GABRB3: variants seen among roughly 807,000 people sequenced by gnomAD.
The protein encoded by GABRB3 is gamma-aminobutyric acid receptor subunit beta-3.
GABRB3 carries 14 observed loss-of-function variants against 52.1 expected under a neutral mutation model. That is an observed-to-expected ratio of 0.27 (90% confidence interval 0.18 to 0.42). The LOEUF (loss-of-function observed/expected upper bound fraction) is 0.42, where lower values mean the gene tolerates loss of function less well. GABRB3 is among the 10% of genes least tolerant of loss of function. GABRB3 has a pLI of 1.00. For missense variants in GABRB3, 307 were observed against 609.1 expected (o/e 0.50, Z 5.22); for synonymous variants, 260 against 232.3 (o/e 1.12, Z -1.08).
At chr15:26,559,470 A>G (rs1047229406) in intron 8 of GABRB3, among the ~76,000 whole-genome samples, 1 of 151,808 alleles carries the variant, frequency 6.6e-6, no homozygotes, top group Non-Finnish European at 1.5e-5. Flanking sequence ...TTATAGCAAC[A>G]GAACAATGGC....
chr15:26,735,723 A>C (rs1269986129), intron 3 of GABRB3, among the ~76,000 whole-genome samples: 1 of 152,112 alleles, frequency 6.6e-6, no homozygotes, highest in Non-Finnish European at 1.5e-5. Context: ...TCAAGGCAAA[A>C]GGATCGCTTG....
chr15:26,571,489 T>A (rs1269785757), intron 6 of GABRB3, among the ~76,000 whole-genome samples: 1 of 152,172 alleles, frequency 6.6e-6, no homozygotes. Context: ...TATTTTTGAA[T>A]GATAATGTAA....
At chr15:26,737,232 G>A (rs12443396) in intron 3 of GABRB3, among the ~76,000 whole-genome samples, 2 of 152,176 alleles carry the variant, frequency 1.3e-5, no homozygotes, top group South Asian at 2.1e-4. Context: ...CAAAAGCAGT[G>A]ATGACTCGAT....
rs895479250 is a variant in GABRB3 at position 26,545,333 on chromosome 15, T to G, written c.*2460A>C. On this transcript the variant is annotated 3_prime_UTR_variant, in exon 9 of 9. Coordinates refer to ENST00000311550, the MANE Select transcript of GABRB3 (RefSeq NM_000814.6). Reference sequence around the variant, plus strand: ...TGCATATAAAAAGCTCAAAAGCTATTATGACTATACCATGCAAATTTATAT... The same window carrying G: ...TGCATATAAAAAGCTCAAAAGCTATGATGACTATACCATGCAAATTTATAT... 6.6e-6 allele frequency: 1 copy of G among 152,556 alleles called. No individual in the cohort carries two copies. Among genetic ancestry groups the G allele is most frequent in the Admixed American group, 6.5e-5 (1 of 15,268 alleles). The allele number at this position is 152,556 out of a possible 1,614,324, so 9.5% of individuals were successfully genotyped here. A position where few individuals can be genotyped will look rare whatever the true frequency, so the allele number is the denominator to read the frequency against.
At chr15:26,673,854 T>C (rs1002335711) in intron 3 of GABRB3, among the ~76,000 whole-genome samples, 13 of 152,244 alleles carry the variant, frequency 8.5e-5, no homozygotes, top group African/African-American at 3.1e-4. Context: ...TAATGACCCA[T>C]TATGGGGAAA....
chr15:26,748,223 G>A (rs1890403859), intron 3 of GABRB3, among the ~76,000 whole-genome samples: 1 of 151,942 alleles, frequency 6.6e-6, no homozygotes, highest in Non-Finnish European at 1.5e-5. Flanking sequence ...TGTAATACTG[G>A]TTTCGTAAAA....
chr15:26,632,795 G>T (rs549806609), intron 3 of GABRB3, among the ~76,000 whole-genome samples: 5 of 152,300 alleles, frequency 3.3e-5, no homozygotes, highest in African/African-American at 1.2e-4. Flanking sequence ...GTGTAAAAAT[G>T]AAACTAAAAA....
At chr15:26,555,444 G>A (rs1381008793) in intron 8 of GABRB3, among the ~76,000 whole-genome samples, 3 of 152,180 alleles carry the variant, frequency 2.0e-5, no homozygotes, top group African/African-American at 7.2e-5. Flanking sequence ...TCCATGTCCT[G>A]TCTTCCCCAG....
At chr15:26,707,644 C>G (rs894381713) in intron 3 of GABRB3, among the ~76,000 whole-genome samples, 1 of 152,144 alleles carries the variant, frequency 6.6e-6, no homozygotes, top group African/African-American at 2.4e-5. Flanking sequence ...AGACACATTT[C>G]CTAGCTGCAG....
chr15:26,581,701 C>T (rs1890796997), intron 5 of GABRB3, among the ~76,000 whole-genome samples: 1 of 152,230 alleles, frequency 6.6e-6, no homozygotes, highest in African/African-American at 2.4e-5. Context: ...CTTCACATAG[C>T]TCATTCTTTC....
intron 3 of GABRB3, among the ~76,000 whole-genome samples, chr15:26,769,664 A>T (rs893498229): frequency 2.0e-5 from 3 of 152,098 alleles, no homozygotes; most frequent in Admixed American, 1.3e-4. Flanking sequence ...AGCCAGTCAG[A>T]ATTCTATTCA....
rs568752386 is a variant in GABRB3 at position 26,751,185 on chromosome 15, A to C, written c.240+21217T>G. On this transcript the variant is annotated intron_variant, in intron 3 of 8. Coordinates refer to ENST00000311550, the MANE Select transcript of GABRB3 (RefSeq NM_000814.6). ...TTCCATGTTAGTCAACTTGGGGAAA[A>C]AATGGTTTCTGATGATAAGGCTATC... Among the ~76,000 whole-genome samples, 7 of 152,328 alleles carry C rather than the reference A, an allele frequency of 4.6e-5. No homozygotes were observed. The South Asian group carries it at 1.4e-3, about 32-fold the overall frequency.
rs59100810 is a variant in GABRB3 at position 26,554,037 on chromosome 15, T to TATATATATATATATATATA, written c.1081-5904_1081-5903insTATATATATATATATATAT. On this transcript the variant is annotated intron_variant, in intron 8 of 8. Coordinates refer to ENST00000311550, the MANE Select transcript of GABRB3 (RefSeq NM_000814.6). ...CCTGACTATTTATATATATATATAT[T>TATATATATATATATATATA]TATTTATTTATATTTATTTATATAT... 7.3e-3 allele frequency among the ~76,000 whole-genome samples: 428 copies of TATATATATATATATATATA among 58,388 alleles called. 51 individuals carry two copies. The highest frequency in any genetic ancestry group is 9.7e-3 in the African/African-American group (121 of 12,512). The allele number at this position is 58,388 out of a possible 152,430, so 38.3% of individuals were successfully genotyped here. A position where few individuals can be genotyped will look rare whatever the true frequency, so the allele number is the denominator to read the frequency against.
intron 3 of GABRB3, among the ~76,000 whole-genome samples, chr15:26,708,773 T>C (rs149180980): frequency 7.2e-4 from 110 of 152,298 alleles, no homozygotes; most frequent in African/African-American, 2.6e-3. Flanking sequence ...TCAATCCTGG[T>C]TCCACCAGTT....
chr15:26,705,811 T>G (rs1486358128), intron 3 of GABRB3, among the ~76,000 whole-genome samples: 2 of 152,116 alleles, frequency 1.3e-5, no homozygotes, highest in Non-Finnish European at 2.9e-5. Flanking sequence ...TTCCTGGGTT[T>G]TCACAGTTCA....
rs970198380 is a variant in GABRB3 at position 26,544,641 on chromosome 15, G to C, written c.*3152C>G. 1 of 152,174 alleles carries C rather than the reference G, an allele frequency of 6.6e-6. No homozygotes were observed. The highest frequency in any genetic ancestry group is 1.5e-5 in the Non-Finnish European group (1 of 68,036). The allele number at this position is 152,174 out of a possible 1,614,324, so 9.4% of individuals were successfully genotyped here. A position where few individuals can be genotyped will look rare whatever the true frequency, so the allele number is the denominator to read the frequency against. On this transcript the variant is annotated 3_prime_UTR_variant, in exon 9 of 9. Coordinates refer to ENST00000311550, the MANE Select transcript of GABRB3 (RefSeq NM_000814.6). The stretch of plus-strand genomic sequence containing the variant: ...TTTTAAGGACTACTCAAGTCTATCA[G>C]TCTTTCTCTGTAGGGAGTTATGTAG...
intron 3 of GABRB3, chr15:26,642,589 T>C: frequency 1.0e-6 from 1 of 971,812 alleles, no homozygotes; most frequent in Non-Finnish European, 1.4e-6. Context: ...CTAAAAATAG[T>C]CTAAGTGCTA....
intron 6 of GABRB3, among the ~76,000 whole-genome samples, chr15:26,570,386 C>T (rs553259515): frequency 1.3e-5 from 2 of 152,336 alleles, no homozygotes; most frequent in Admixed American, 6.5e-5. Context: ...GCACCATGCA[C>T]GGGGGCCAGA....
At chr15:26,649,886 T>G (rs1887144124) in intron 3 of GABRB3, among the ~76,000 whole-genome samples, 1 of 152,150 alleles carries the variant, frequency 6.6e-6, no homozygotes, top group African/African-American at 2.4e-5. Context: ...GTTTTGTAAT[T>G]TCCGAATCTC....
Sources: gnomAD v4.1 joint callset for allele counts (sites outside exome capture counted in the v4.1 genomes callset) on GRCh38, gnomAD v4.1.1 for gene constraint, MANE v1.5 for transcripts, NCBI Gene and HGNC (gene_info 2026-07-23, HGNC 2026-07-21) for gene names.